The following GABRG3 variants were observed in gnomAD, a reference collection of about 807,000 sequenced individuals.
GABRG3 encodes gamma-aminobutyric acid type A receptor subunit gamma3, also known as gamma-aminobutyric acid receptor subunit gamma-3.
GABRG3 carries 25 observed loss-of-function variants against 48.8 expected under a neutral mutation model. The observed-to-expected ratio is 0.51, with a 90% confidence interval of 0.37 to 0.72. GABRG3 has a LOEUF of 0.72. Ranked by LOEUF, GABRG3 falls within the 30% of genes least tolerant of loss-of-function variation. GABRG3 has a pLI of 0.00. For missense variants in GABRG3, 394 were observed against 577.9 expected (o/e 0.68, Z 3.26); for synonymous variants, 227 against 217.6 (o/e 1.04, Z -0.38).
intron 5 of GABRG3, among the ~76,000 whole-genome samples, chr15:27,398,688 A>ACACC (rs1234185392): frequency 1.3e-5 from 2 of 151,972 alleles, no homozygotes; most frequent in South Asian, 4.2e-4. Flanking sequence ...ACACACACAC[A>ACACC]CCCCTCTATT....
intron 3 of GABRG3, among the ~76,000 whole-genome samples, chr15:27,063,141 C>A (rs963891379): frequency 6.6e-6 from 1 of 152,200 alleles, no homozygotes; most frequent in Non-Finnish European, 1.5e-5. Flanking sequence ...TAAACTGTTG[C>A]AAGATGAGGA....
rs1239396923 is a variant in GABRG3 at position 27,417,435 on chromosome 15, C to G, written c.575-63215C>G. Among the ~76,000 whole-genome samples the G allele has an allele frequency of 4.6e-5, 7 of 152,180 alleles. No individual in the cohort carries two copies. The East Asian group carries it at 1.2e-3, about 25-fold the overall frequency. ...TCTACCCCTGTTGGTGTTTCTCTCTCCAGCTCCACAGCTTTGGCTGGGTGC... is the reference window on the plus strand; with the variant it reads ...TCTACCCCTGTTGGTGTTTCTCTCTGCAGCTCCACAGCTTTGGCTGGGTGC... On this transcript the variant is annotated intron_variant, in intron 5 of 9. Coordinates refer to ENST00000615808, the MANE Select transcript of GABRG3 (RefSeq NM_033223.5).
chr15:27,106,596 A>G (rs1177994340), intron 3 of GABRG3, among the ~76,000 whole-genome samples: 1 of 151,982 alleles, frequency 6.6e-6, no homozygotes, highest in Non-Finnish European at 1.5e-5. Flanking sequence ...AACTAATGCA[A>G]GTGAAAATAG....
intron 3 of GABRG3, among the ~76,000 whole-genome samples, chr15:27,198,116 A>G (rs866981615): frequency 3.9e-5 from 6 of 152,184 alleles, no homozygotes; most frequent in African/African-American, 1.4e-4. Context: ...AAAACACCAA[A>G]AGCAATGACA....
chr15:26,992,112 A>G (rs939259064), intron 2 of GABRG3, among the ~76,000 whole-genome samples: 1 of 152,230 alleles, frequency 6.6e-6, no homozygotes, highest in Non-Finnish European at 1.5e-5. Flanking sequence ...TAAATTTGTC[A>G]GTTCTAATAG....
chr15:26,998,883 C>T (rs1301344574), intron 2 of GABRG3, among the ~76,000 whole-genome samples: 1 of 152,104 alleles, frequency 6.6e-6, no homozygotes, highest in Non-Finnish European at 1.5e-5. Context: ...TCTTCCTTTG[C>T]TGTATACCCT....
chr15:27,037,998 A>G (rs1896207950), intron 3 of GABRG3, among the ~76,000 whole-genome samples: 1 of 152,076 alleles, frequency 6.6e-6, no homozygotes, highest in South Asian at 2.1e-4. Flanking sequence ...TCTGGCCAGC[A>G]GATGCAGGGA....
chr15:27,255,517 G>A (rs1449435452), intron 3 of GABRG3, among the ~76,000 whole-genome samples: 1 of 152,178 alleles, frequency 6.6e-6, no homozygotes, highest in Non-Finnish European at 1.5e-5. Flanking sequence ...TGTTCTCACA[G>A]TTACCATTCT....
intron 5 of GABRG3, among the ~76,000 whole-genome samples, chr15:27,431,556 G>C (rs1048984911): frequency 9.9e-5 from 15 of 152,008 alleles, no homozygotes; most frequent in Non-Finnish European, 2.2e-4. Flanking sequence ...CCTGTTGTTC[G>C]GTTTTGAATA....
chr15:27,463,672 A>T (rs923231891), intron 5 of GABRG3, among the ~76,000 whole-genome samples: 1 of 151,972 alleles, frequency 6.6e-6, no homozygotes, highest in Admixed American at 6.6e-5. Context: ...CATGTTTAGG[A>T]TGTGAGCTCA....
Position 27,024,284 on chromosome 15 carries a change from T to C in GABRG3, c.203-2470T>C, listed in dbSNP as rs137930683. Reference sequence around the variant, plus strand: ...TGTCTTTTCACTCTGTTGTGCCCTATATGCACAGAAGTTTTAAATTTTGTT... The same window carrying C: ...TGTCTTTTCACTCTGTTGTGCCCTACATGCACAGAAGTTTTAAATTTTGTT... On this transcript the variant is annotated intron_variant, in intron 2 of 9. Coordinates refer to ENST00000615808, the MANE Select transcript of GABRG3 (RefSeq NM_033223.5). Among the ~76,000 whole-genome samples, 906 of 152,358 alleles carry C rather than the reference T, an allele frequency of 5.9e-3. 6 individuals are homozygous for C. The highest frequency in any genetic ancestry group is 0.021 in the African/African-American group (869 of 41,582).
chr15:27,149,392 T>C (rs1898268551), intron 3 of GABRG3, among the ~76,000 whole-genome samples: 1 of 152,148 alleles, frequency 6.6e-6, no homozygotes, highest in Non-Finnish European at 1.5e-5. Context: ...GACTTAACAT[T>C]GTGAAGATGG....
intron 3 of GABRG3, among the ~76,000 whole-genome samples, chr15:27,209,626 C>A (rs1889006369): frequency 6.6e-6 from 1 of 152,154 alleles, no homozygotes; most frequent in African/African-American, 2.4e-5. Flanking sequence ...TGGGCTGTGC[C>A]CAGGTGGGTG....
At chr15:27,170,543 G>A (rs1862475733) in intron 3 of GABRG3, among the ~76,000 whole-genome samples, 1 of 152,008 alleles carries the variant, frequency 6.6e-6, no homozygotes, top group African/African-American at 2.4e-5. Flanking sequence ...GAAGAAGACA[G>A]AACAAAAACA....
intron 3 of GABRG3, among the ~76,000 whole-genome samples, chr15:27,121,642 T>C (rs1485605897): frequency 6.6e-6 from 1 of 152,148 alleles, no homozygotes; most frequent in African/African-American, 2.4e-5. Flanking sequence ...TTTACATACT[T>C]AGAAAGGATA....
intron 5 of GABRG3, among the ~76,000 whole-genome samples, chr15:27,348,158 AT>A (rs200707053): frequency 6.6e-6 from 1 of 150,548 alleles, no homozygotes; most frequent in Non-Finnish European, 1.5e-5. Flanking sequence ...TCCATCTCAA[AT>A]AAATAAAGAG....
In GABRG3 at chr15:27,059,513, A is replaced by G. The variant is rs78530374; in HGVS notation, c.270+32692A>G. Among the ~76,000 whole-genome samples the G allele has an allele frequency of 4.1e-3, 632 of 152,374 alleles. 4 individuals are homozygous for G. Among genetic ancestry groups the G allele is most frequent in the African/African-American group, 0.014 (601 of 41,590 alleles). ...TTATAACACTTTTATTCCAATTTGA[A>G]AATTTGGATCAATAAACATTGAATT... is the stretch of plus-strand genomic sequence containing the variant. On this transcript the variant is annotated intron_variant, in intron 3 of 9. Coordinates refer to ENST00000615808, the MANE Select transcript of GABRG3 (RefSeq NM_033223.5).
chr15:27,336,302 GAGA>G (rs901854057), intron 5 of GABRG3, among the ~76,000 whole-genome samples: 3 of 151,108 alleles, frequency 2.0e-5, no homozygotes, highest in Admixed American at 2.0e-4. Flanking sequence ...AAAGAAGAAG[GAGA>G]AGGAGAAGAA....
intron 3 of GABRG3, among the ~76,000 whole-genome samples, chr15:27,125,179 T>G (rs1029502752): frequency 2.6e-5 from 4 of 152,180 alleles, no homozygotes; most frequent in Admixed American, 2.0e-4. Context: ...TGTATCGCTG[T>G]TTTTTATAGC....
Sources: allele counts gnomAD v4.1 joint callset (sites outside exome capture counted in the v4.1 genomes callset), GRCh38; gene constraint gnomAD v4.1.1; transcripts MANE v1.5; gene names NCBI Gene and HGNC (gene_info 2026-07-23, HGNC 2026-07-21).